Variants in MYLK observed in about 807,000 individuals in gnomAD.
The protein encoded by MYLK is myosin light chain kinase.
In MYLK, 106 loss-of-function variants were observed where a neutral mutation model predicts 203.4. The ratio of observed to expected loss-of-function variants is 0.52; its 90% CI spans 0.45 to 0.61. The LOEUF (loss-of-function observed/expected upper bound fraction) is 0.61, where lower values mean the gene tolerates loss of function less well. MYLK is among the 20% of genes least tolerant of loss of function. MYLK has a pLI of 0.00. For synonymous variants in MYLK, 867 were observed against 959.5 expected (o/e 0.90, Z 1.78); for missense variants, 2,072 against 2,442.3 (o/e 0.85, Z 3.20).
At chr3:123,803,861 C>A (rs924762340) in intron 3 of MYLK, among the ~76,000 whole-genome samples, 7 of 152,252 alleles carry the variant, frequency 4.6e-5, no homozygotes, top group Non-Finnish European at 1.0e-4. Flanking sequence ...TCTAGCTCCT[C>A]TGCTTCTGGC....
intron 24 of MYLK, among the ~76,000 whole-genome samples, chr3:123,651,586 T>C (rs1309796104): frequency 6.6e-6 from 1 of 152,124 alleles, no homozygotes; most frequent in Admixed American, 6.5e-5. Context: ...TGGAGACCAG[T>C]GTATTCCAAG....
At chr3:123,760,557 C>G (rs540419065) in intron 4 of MYLK, among the ~76,000 whole-genome samples, 1 of 152,302 alleles carries the variant, frequency 6.6e-6, no homozygotes, top group Admixed American at 6.5e-5. Flanking sequence ...TTCCTCTCTT[C>G]TTTTCTTCAA....
intron 32 of MYLK, 96 bp from the exon 33 acceptor site, chr3:123,618,866 A>T: frequency 6.5e-7 from 1 of 1,529,988 alleles, no homozygotes; most frequent in Non-Finnish European, 9.0e-7. Flanking sequence ...AGTTGCTATG[A>T]TTTAGCAAAG....
At chr3:123,659,520 CT>C (rs1359061265) in intron 23 of MYLK, among the ~76,000 whole-genome samples, 1 of 152,164 alleles carries the variant, frequency 6.6e-6, no homozygotes, top group Non-Finnish European at 1.5e-5. Context: ...AAGGAATTTG[CT>C]ACCAAATTAA....
chr3:123,666,752 G>C (rs1426291704), intron 21 of MYLK, among the ~76,000 whole-genome samples: 1 of 152,182 alleles, frequency 6.6e-6, no homozygotes, highest in Non-Finnish European at 1.5e-5. Flanking sequence ...AACAGACAAG[G>C]GTTCCATATA....
At position 123,726,057 on chromosome 3, in the gene MYLK, G is replaced by A. The variant is rs752889116; in HGVS notation, c.1538C>T (p.Ala513Val). Residue 513 changes from alanine (A) to valine (V), a missense_variant, in exon 12 of 34, where the codon GCC (alanine) becomes GTC (valine). Coordinates refer to ENST00000360304, the MANE Select transcript of MYLK (RefSeq NM_053025.4). Reference protein sequence around the residue: ...QVERLAVMEVAPSFSSVLKDC... With the variant: ...QVERLAVMEVVPSFSSVLKDC... ...CTTCAGGACACTGGAGAAGGAGGGGGCCACCTCCATCACGGCAAGCCCTGT... is the reference window on the plus strand; with the variant it reads ...CTTCAGGACACTGGAGAAGGAGGGGACCACCTCCATCACGGCAAGCCCTGT... 32 of 1,614,128 alleles carry A rather than the reference G, an allele frequency of 2.0e-5. No individual in the cohort carries two copies. Among genetic ancestry groups the A allele is most frequent in the Non-Finnish European group, 2.3e-5 (27 of 1,180,022 alleles).
At chr3:123,730,425 AG>A (rs1346405639) in intron 11 of MYLK, among the ~76,000 whole-genome samples, 1 of 152,262 alleles carries the variant, frequency 6.6e-6, no homozygotes, top group African/African-American at 2.4e-5. Context: ...AATTGAAAAC[AG>A]GTATTGAAAA....
At position 123,631,873 on chromosome 3, in the gene MYLK, C is replaced by T. The variant is rs1247585786; in HGVS notation, c.4962-2247G>A. 6.4e-5 allele frequency among the ~76,000 whole-genome samples: 9 copies of T among 140,392 alleles called. No individual in the cohort carries two copies. The East Asian group carries it at 1.7e-3, about 26-fold the overall frequency. The allele number at this position is 140,392 out of a possible 152,430, so 92.1% of individuals were successfully genotyped here. The stretch of plus-strand genomic sequence containing the variant: ...CTCTGGGCCTCAGTTTCTCCTTTTT[C>T]TTTTTTTTTTTTTTGAGACAGAGTG... On this transcript the variant is annotated intron_variant, in intron 29 of 33. Transcript: ENST00000360304.
intron 4 of MYLK, among the ~76,000 whole-genome samples, chr3:123,769,363 T>A (rs764307576): frequency 2.3e-4 from 35 of 152,234 alleles, no homozygotes; most frequent in Non-Finnish European, 4.4e-5. Context: ...ACAGCCCTTA[T>A]GCCAGTAACA....
chr3:123,746,032 GT>G, intron 5 of MYLK, among the ~76,000 whole-genome samples: 1 of 151,922 alleles, frequency 6.6e-6, no homozygotes, highest in South Asian at 2.1e-4. Context: ...TAATTTTTAT[GT>G]TTTTAGTAGA....
At chr3:123,655,523 C>T (rs920557995) in intron 24 of MYLK, among the ~76,000 whole-genome samples, 6 of 152,194 alleles carry the variant, frequency 3.9e-5, no homozygotes, top group Non-Finnish European at 5.9e-5. Flanking sequence ...TACCTTCCCT[C>T]GGCTAGCCCT....
intron 33 of MYLK, 129 bp downstream of exon 33, chr3:123,618,510 C>CCCAAAGCTTGGCAGTTCCT: frequency 3.0e-6 from 4 of 1,331,380 alleles, no homozygotes; most frequent in Non-Finnish European, 4.3e-6. Context: ...CCCAGTTTCC[C>CCCAAAGCTTGGCAGTTCCT]CCAAAGCTTG....
chr3:123,725,198 A>G (rs2062236659), intron 12 of MYLK, among the ~76,000 whole-genome samples: 1 of 152,178 alleles, frequency 6.6e-6, no homozygotes, highest in Non-Finnish European at 1.5e-5. Context: ...GAGAAGGACA[A>G]GTGCCTGTGT....
chr3:123,750,922 A>C (rs2063172622), intron 5 of MYLK, among the ~76,000 whole-genome samples: 1 of 152,216 alleles, frequency 6.6e-6, no homozygotes, highest in Admixed American at 6.5e-5. Flanking sequence ...GAAAGCATCC[A>C]AACTATGCAT....
At chr3:123,759,617 T>C (rs1374913904) in intron 4 of MYLK, among the ~76,000 whole-genome samples, 1 of 152,228 alleles carries the variant, frequency 6.6e-6, no homozygotes, top group East Asian at 1.9e-4. Context: ...ATTGGTAAAA[T>C]GCCTCCTGGC....
At chr3:123,783,617 G>C (rs961059702) in intron 4 of MYLK, among the ~76,000 whole-genome samples, 1 of 151,818 alleles carries the variant, frequency 6.6e-6, no homozygotes, top group South Asian at 2.1e-4. Flanking sequence ...ATATACAGAA[G>C]TAATTCCTGT....
At chr3:123,669,690 G>C (rs1487300771) in intron 20 of MYLK, among the ~76,000 whole-genome samples, 2 of 151,910 alleles carry the variant, frequency 1.3e-5, no homozygotes, top group Non-Finnish European at 2.9e-5. Context: ...TATATGTGTG[G>C]AGAAGTAGAA....
At chr3:123,802,904 G>A (rs1411820582) in intron 3 of MYLK, among the ~76,000 whole-genome samples, 1 of 152,162 alleles carries the variant, frequency 6.6e-6, no homozygotes, top group African/African-American at 2.4e-5. Flanking sequence ...GGGGTATCAA[G>A]TATACTTATT....
chr3:123,752,617 T>G lies in MYLK; in HGVS notation c.166-79A>C. 1.5e-5 allele frequency: 20 copies of G among 1,347,236 alleles called. 1 individual carries two copies. In the South Asian group the frequency reaches 2.5e-4, roughly 17 times the overall value. The allele number at this position is 1,347,236 out of a possible 1,614,324, so 83.5% of individuals were successfully genotyped here. On this transcript the variant is annotated intron_variant, in intron 4 of 33. Transcript: ENST00000360304. ...GTGTCAGGTATTGTTTGGAGTGCTT[T>G]ACATGTGTTAACTCATTTAATCCTC...
Sources: allele counts gnomAD v4.1 joint callset (sites outside exome capture counted in the v4.1 genomes callset), GRCh38; gene constraint gnomAD v4.1.1; transcripts MANE v1.5; gene names NCBI Gene and HGNC (gene_info 2026-07-23, HGNC 2026-07-21).